Variants in SORCS3 observed in about 807,000 individuals in gnomAD.
SORCS3 encodes VPS10 domain-containing receptor SorCS3.
SORCS3 carries 57 observed loss-of-function variants against 146.3 expected under a neutral mutation model. The ratio of observed to expected loss-of-function variants is 0.39; its 90% CI spans 0.31 to 0.49. The LOEUF (loss-of-function observed/expected upper bound fraction) is 0.49, where lower values mean the gene tolerates loss of function less well. Among genes scored for constraint, SORCS3 ranks in the 20% least tolerant of loss-of-function variants. The pLI, the probability that SORCS3 is intolerant of heterozygous loss-of-function variation, is 0.92. For missense variants in SORCS3, 1,341 were observed against 1,575.5 expected (o/e 0.85, Z 2.52); for synonymous variants, 653 against 618.5 (o/e 1.06, Z -0.83).
At chr10:105,059,338 C>T (rs941810159) in intron 5 of SORCS3, among the ~76,000 whole-genome samples, 1 of 152,180 alleles carries the variant, frequency 6.6e-6, no homozygotes, top group Non-Finnish European at 1.5e-5. Flanking sequence ...AATATACTTC[C>T]GTGTGCTTTG....
chr10:105,230,289 G>A (rs2056759039), intron 20 of SORCS3, among the ~76,000 whole-genome samples: 1 of 152,076 alleles, frequency 6.6e-6, no homozygotes, highest in African/African-American at 2.4e-5. Context: ...GTAGACAGTG[G>A]TAGGGTGATC....
chr10:105,235,118 G>A (rs1001158404), intron 20 of SORCS3, among the ~76,000 whole-genome samples: 4 of 152,034 alleles, frequency 2.6e-5, no homozygotes, highest in African/African-American at 9.7e-5. Flanking sequence ...GTGGGCTGTA[G>A]GTAGGTATCT....
At chr10:104,976,284 T>C (rs1323000001) in intron 3 of SORCS3, among the ~76,000 whole-genome samples, 5 of 152,154 alleles carry the variant, frequency 3.3e-5, no homozygotes, top group Admixed American at 3.3e-4. Context: ...AGGAGACATT[T>C]ATGCAGCCAA....
chr10:104,728,477 A>T (rs2016667894), intron 1 of SORCS3, among the ~76,000 whole-genome samples: 1 of 152,144 alleles, frequency 6.6e-6, no homozygotes, highest in Non-Finnish European at 1.5e-5. Context: ...TGTGTCAGGG[A>T]TGATAATAGG....
intron 5 of SORCS3, among the ~76,000 whole-genome samples, chr10:105,085,124 T>C (rs907675180): frequency 6.6e-6 from 1 of 152,218 alleles, no homozygotes; most frequent in Non-Finnish European, 1.5e-5. Context: ...GCCACAACTG[T>C]GTGAGAGTGT....
At chr10:104,841,850 T>C (rs1348246692) in intron 1 of SORCS3, among the ~76,000 whole-genome samples, 1 of 152,214 alleles carries the variant, frequency 6.6e-6, no homozygotes, top group East Asian at 1.9e-4. Context: ...AACACAATTA[T>C]GTGTAACTGG....
chr10:105,159,452 AC>A (rs1343811931), intron 11 of SORCS3, among the ~76,000 whole-genome samples: 1 of 152,130 alleles, frequency 6.6e-6, no homozygotes, highest in Non-Finnish European at 1.5e-5. Flanking sequence ...CACATGGTTA[AC>A]CCCTTGGCTG....
intron 3 of SORCS3, among the ~76,000 whole-genome samples, chr10:104,955,972 A>G (rs2019485091): frequency 6.6e-6 from 1 of 152,202 alleles, no homozygotes; most frequent in Non-Finnish European, 1.5e-5. Context: ...CTGAGGAAGA[A>G]TCCACAGAGC....
At chr10:104,982,161 C>T (rs748467858) in intron 4 of SORCS3, among the ~76,000 whole-genome samples, 12 of 152,082 alleles carry the variant, frequency 7.9e-5, no homozygotes, top group South Asian at 4.1e-4. Flanking sequence ...CAGTGTTAGG[C>T]GTGGTAGCTG....
At chr10:105,098,937 G>A (rs534450678) in intron 6 of SORCS3, among the ~76,000 whole-genome samples, 14 of 152,328 alleles carry the variant, frequency 9.2e-5, no homozygotes, top group African/African-American at 2.9e-4. Flanking sequence ...CATCAAGGAG[G>A]CAGATAATGC....
intron 1 of SORCS3, among the ~76,000 whole-genome samples, chr10:104,684,994 T>C (rs1482627176): frequency 6.6e-6 from 1 of 151,634 alleles, no homozygotes; most frequent in Non-Finnish European, 1.5e-5. Context: ...ATTTTTGTAT[T>C]TTTAGTAGAG....
intron 15 of SORCS3, 52 bp downstream of exon 15, chr10:105,200,168 C>A: frequency 1.4e-6 from 2 of 1,407,756 alleles, no homozygotes; most frequent in Non-Finnish European, 2.0e-6. Context: ...GGAGCTAGTG[C>A]AAGTCCGACT....
Position 104,734,970 on chromosome 10 carries a change from A to G in SORCS3, c.627+93016A>G, listed in dbSNP as rs1017164495. Among the ~76,000 whole-genome samples the G allele has an allele frequency of 2.6e-5, 4 of 152,230 alleles. No homozygotes were observed. In the South Asian group the frequency reaches 6.2e-4, roughly 24 times the overall value. The stretch of plus-strand genomic sequence containing the variant: ...TACTAATACATCTAACAAGTTAGGT[A>G]TCTCTTTTTTTAAAAAACCATTTTT... On this transcript the variant is annotated intron_variant, in intron 1 of 26. Coordinates refer to ENST00000369701, the MANE Select transcript of SORCS3 (RefSeq NM_014978.3).
intron 1 of SORCS3, among the ~76,000 whole-genome samples, chr10:104,707,776 G>C (rs940879667): frequency 6.6e-6 from 1 of 152,140 alleles, no homozygotes; most frequent in Non-Finnish European, 1.5e-5. Flanking sequence ...GCCTATTTCC[G>C]AAACCAGAAT....
intron 5 of SORCS3, among the ~76,000 whole-genome samples, chr10:105,058,205 G>T (rs2055458888): frequency 6.6e-6 from 1 of 152,140 alleles, no homozygotes; most frequent in African/African-American, 2.4e-5. Flanking sequence ...GCATTGAAAA[G>T]GTCAGACCCT....
At chr10:105,120,161 G>T (rs950028622) in intron 7 of SORCS3, among the ~76,000 whole-genome samples, 8 of 152,146 alleles carry the variant, frequency 5.3e-5, no homozygotes, top group African/African-American at 1.9e-4. Flanking sequence ...AGATCTGATG[G>T]TTTTATAGAG....
chr10:105,252,772 C>T lies in SORCS3; in HGVS notation c.3106-3C>T. ...GCCTCTCTTTGTCTGAACATCTTTG[C>T]AGGTAACCAGTGTCCCAGAGGACCA... On this transcript the variant is annotated splice_polypyrimidine_tract_variant and splice_region_variant and intron_variant, in intron 22 of 26. Transcript: ENST00000369701. 1 of 1,613,768 alleles carries T rather than the reference C, an allele frequency of 6.2e-7. No individual in the cohort carries two copies. The highest frequency in any genetic ancestry group is 8.5e-7 in the Non-Finnish European group (1 of 1,179,806).
chr10:105,176,740 A>T (rs181078086), intron 13 of SORCS3, among the ~76,000 whole-genome samples: 52 of 152,112 alleles, frequency 3.4e-4, no homozygotes, highest in African/African-American at 1.2e-3. Context: ...CTGTAGTCCC[A>T]GCTACTCAGG....
rs929274877 is a variant in SORCS3 at position 105,263,699 on chromosome 10, C to T, written c.*325C>T. The T allele has an allele frequency of 3.5e-6, 1 of 283,880 alleles. No homozygotes were observed. The highest frequency in any genetic ancestry group is 2.2e-5 in the African/African-American group (1 of 45,552). 17.6% of individuals were successfully genotyped at this position (283,880 alleles called of 1,614,324 possible). On this transcript the variant is annotated 3_prime_UTR_variant, in exon 27 of 27. Coordinates refer to ENST00000369701, the MANE Select transcript of SORCS3 (RefSeq NM_014978.3). Reference sequence around the variant, plus strand: ...TTTTTCAAAATTGAAGTTGGGTTGGCTCTTTGTGAACCTCTCATCCCCACA... The same window carrying T: ...TTTTTCAAAATTGAAGTTGGGTTGGTTCTTTGTGAACCTCTCATCCCCACA...
Sources: gnomAD v4.1 joint callset for allele counts (sites outside exome capture counted in the v4.1 genomes callset) on GRCh38, gnomAD v4.1.1 for gene constraint, MANE v1.5 for transcripts, NCBI Gene and HGNC (gene_info 2026-07-23, HGNC 2026-07-21) for gene names.